The following TAF2 variants were observed in gnomAD, a reference collection of about 807,000 sequenced individuals.
The protein encoded by TAF2 is TATA-box binding protein associated factor 2.
In TAF2, 61 loss-of-function variants were observed where a neutral mutation model predicts 138.5. The observed-to-expected ratio is 0.44, with a 90% confidence interval of 0.36 to 0.54. The LOEUF (loss-of-function observed/expected upper bound fraction) is 0.54. Ranked by LOEUF, TAF2 falls within the 20% of genes least tolerant of loss-of-function variation. The probability of loss-of-function intolerance (pLI) is 0.00; values close to 1 mark genes in which losing one functional copy is unlikely to be tolerated. For missense variants in TAF2, 1,090 were observed against 1,427.9 expected, an observed-to-expected ratio of 0.76 and a Z score of 3.81; for synonymous variants, 475 against 469.9, an observed-to-expected ratio of 1.01 and a Z score of -0.14.
chr8:119,772,711 C>A (rs1010544481), intron 18 of TAF2, among the ~76,000 whole-genome samples: 4 of 151,912 alleles, frequency 2.6e-5, no homozygotes, highest in Admixed American at 1.3e-4. Flanking sequence ...CCAAGGTGGG[C>A]AGATCACCTG....
In TAF2 at chr8:119,796,315, G is replaced by A. The variant is rs143109310; in HGVS notation, c.1091+675C>T. Reference sequence around the variant, plus strand: ...CCCTCTCCTCTCCACTCCAGCAAGCGAAAAAAGAAAACCAACATTTCCATA... The same window carrying A: ...CCCTCTCCTCTCCACTCCAGCAAGCAAAAAAAGAAAACCAACATTTCCATA... On this transcript the variant is annotated intron_variant, in intron 8 of 25. Transcript: ENST00000378164. Among the ~76,000 whole-genome samples the A allele has an allele frequency of 4.6e-5, 7 of 151,338 alleles. No homozygotes were observed. In the East Asian group the frequency reaches 1.4e-3, roughly 29 times the overall value.
intron 18 of TAF2, 88 bp from the exon 19 acceptor site, chr8:119,762,696 G>T: frequency 7.7e-7 from 1 of 1,297,890 alleles, no homozygotes; most frequent in Non-Finnish European, 1.1e-6. Flanking sequence ...TTACATTTTA[G>T]ATAAAATAAA....
At position 119,746,927 on chromosome 8, in the gene TAF2, T is replaced by G. The variant is rs1586305885; in HGVS notation, c.2886A>C (p.Ser962=). The change falls in exon 23 of 26, where the codon TCA becomes TCC. Residue 962 remains serine (S), a synonymous_variant. Transcript: ENST00000378164. ...QLWKLMNSGT[S]HDWRLRCGAV... ...CACCACACCGTAACCTCCAGTCATGTGAAGTACCTAAAAAGTAAGTAATAA... is the reference window on the plus strand; with the variant it reads ...CACCACACCGTAACCTCCAGTCATGGGAAGTACCTAAAAAGTAAGTAATAA... 1.9e-6 allele frequency: 3 copies of G among 1,614,116 alleles called. No homozygotes were observed. The highest frequency in any genetic ancestry group is 4.5e-5 in the East Asian group (2 of 44,866).
chr8:119,731,455 A>G lies in TAF2; in HGVS notation c.*469T>C. On this transcript the variant is annotated 3_prime_UTR_variant, in exon 26 of 26. Coordinates refer to ENST00000378164, the MANE Select transcript of TAF2 (RefSeq NM_003184.4). ...TAAGGAAGAGTACTGTAGAAAAGCC[A>G]CTGTCTTTTCAGTAGTTCCAAATGG... 1 of 168,492 alleles carries G rather than the reference A, an allele frequency of 5.9e-6. No homozygotes were observed. Among genetic ancestry groups the G allele is most frequent in the Non-Finnish European group, 1.3e-5 (1 of 76,612 alleles). 10.4% of individuals were successfully genotyped at this position (168,492 alleles called of 1,614,324 possible). A position where few individuals can be genotyped will look rare whatever the true frequency, so the allele number is the denominator to read the frequency against.
intron 18 of TAF2, chr8:119,763,047 G>C (rs1821173508): frequency 6.2e-6 from 1 of 160,160 alleles, no homozygotes; most frequent in Non-Finnish European, 1.4e-5. Context: ...ATTCAACATG[G>C]AGCAAGCAAA....
chr8:119,809,637 A>T (rs1215621230), intron 3 of TAF2, among the ~76,000 whole-genome samples: 1 of 152,162 alleles, frequency 6.6e-6, no homozygotes, highest in Non-Finnish European at 1.5e-5. Context: ...CTCAGAGGCC[A>T]TTGTAGGGTT....
At chr8:119,812,795 C>T (rs1825181034) in intron 3 of TAF2, among the ~76,000 whole-genome samples, 2 of 1,904 alleles carry the variant, frequency 1.1e-3, no homozygotes, top group African/African-American at 1.6e-3. Context: ...TGTATATACA[C>T]ACATGTATAC....
intron 25 of TAF2, among the ~76,000 whole-genome samples, chr8:119,738,388 C>G (rs1339788151): frequency 6.6e-6 from 1 of 152,116 alleles, no homozygotes; most frequent in Non-Finnish European, 1.5e-5. Context: ...GATAATTTCA[C>G]ATATCCTTTC....
intron 18 of TAF2, among the ~76,000 whole-genome samples, chr8:119,770,428 T>A (rs1821750042): frequency 6.6e-6 from 1 of 152,142 alleles, no homozygotes; most frequent in South Asian, 2.1e-4. Flanking sequence ...AGGAAGAGAT[T>A]GGGGGTCTAT....
At chr8:119,806,579 T>C (rs1298794929) in intron 3 of TAF2, among the ~76,000 whole-genome samples, 178 bp from the exon 4 acceptor site, 1 of 149,698 alleles carries the variant, frequency 6.7e-6, no homozygotes, top group Non-Finnish European at 1.5e-5. Flanking sequence ...AGCATTCTCA[T>C]CCCTCAGCCT....
chr8:119,805,723 AT>A (rs1188437279), intron 4 of TAF2, among the ~76,000 whole-genome samples: 9 of 149,888 alleles, frequency 6.0e-5, no homozygotes, highest in South Asian at 2.1e-4. Flanking sequence ...ACAAAAAAAA[AT>A]TTTTTTTTTA....
intron 3 of TAF2, among the ~76,000 whole-genome samples, chr8:119,817,730 C>T (rs1194556517): frequency 6.6e-6 from 1 of 152,182 alleles, no homozygotes; most frequent in Non-Finnish European, 1.5e-5. Context: ...AAACAGGCAT[C>T]TTACCCTATT....
intron 25 of TAF2, among the ~76,000 whole-genome samples, chr8:119,741,693 T>C (rs1260485037): frequency 2.6e-5 from 4 of 152,212 alleles, no homozygotes; most frequent in Non-Finnish European, 5.9e-5. Flanking sequence ...CTTTAAAATA[T>C]CAGATAAAAA....
At chr8:119,826,385 G>T (rs1716032227) in intron 2 of TAF2, among the ~76,000 whole-genome samples, 1 of 152,008 alleles carries the variant, frequency 6.6e-6, no homozygotes, top group African/African-American at 2.4e-5. Context: ...TGCCATGATT[G>T]TGAGGTTTCC....
intron 4 of TAF2, among the ~76,000 whole-genome samples, chr8:119,805,785 G>T (rs1168562726): frequency 1.3e-5 from 2 of 151,868 alleles, no homozygotes; most frequent in African/African-American, 4.8e-5. Flanking sequence ...GCCCTGAAAT[G>T]GTATCATCCT....
chr8:119,744,157 C>T (rs1819788679), intron 24 of TAF2, 131 bp downstream of exon 24: 2 of 900,962 alleles, frequency 2.2e-6, no homozygotes, highest in Non-Finnish European at 1.8e-6. Flanking sequence ...TAATCTGCTA[C>T]AATTTAATAT....
At position 119,746,791 on chromosome 8, in the gene TAF2, T is replaced by C; in HGVS notation, c.3022A>G (p.Thr1008Ala). The C allele has an allele frequency of 2.5e-6, 4 of 1,614,162 alleles. No homozygotes were observed. The highest frequency in any genetic ancestry group is 3.4e-6 in the Non-Finnish European group (4 of 1,180,016). ...CCTGCTACTGACTCTGGAATTATGG[T>C]AGGATTCAAGACAGCTTTTTTCTCC... is the stretch of plus-strand genomic sequence containing the variant. ...LKEKKAVLNP[T>A]IIPESVAGNQ... is the part of the protein sequence containing the mutation. Residue 1008 changes from threonine to alanine, a missense_variant, in exon 23 of 26, where the codon ACC becomes GCC. Thr to Ala is a moderately conservative substitution (Grantham distance 58). Transcript: ENST00000378164.
intron 4 of TAF2, among the ~76,000 whole-genome samples, chr8:119,805,194 G>A (rs1297965657): frequency 4.6e-5 from 7 of 152,168 alleles, no homozygotes; most frequent in Admixed American, 3.9e-4. Flanking sequence ...TAAAAAGTCT[G>A]CAGACTGAGT....
intron 11 of TAF2, among the ~76,000 whole-genome samples, chr8:119,790,251 C>T (rs1426351084): frequency 6.6e-6 from 1 of 152,050 alleles, no homozygotes; most frequent in Non-Finnish European, 1.5e-5. Context: ...GACTGGGCAA[C>T]ATAGTGAAAC....
Sources: allele counts gnomAD v4.1 joint callset (sites outside exome capture counted in the v4.1 genomes callset), GRCh38; gene constraint gnomAD v4.1.1; transcripts MANE v1.5; gene names NCBI Gene and HGNC (gene_info 2026-07-23, HGNC 2026-07-21).